TSPAN2: variants seen among roughly 807,000 people sequenced by gnomAD.
TSPAN2 encodes tetraspanin 2, also known as tetraspanin-2.
TSPAN2 carries 24 observed loss-of-function variants against 33.3 expected under a neutral mutation model. The observed-to-expected ratio is 0.72, with a 90% confidence interval of 0.52 to 1.01. The LOEUF is 1.01. Among genes scored for constraint, TSPAN2 ranks in the 50% least tolerant of loss-of-function variants. The pLI, the probability that TSPAN2 is intolerant of heterozygous loss-of-function variation, is 0.00. For missense variants in TSPAN2, 278 were observed against 281.3 expected (o/e 0.99, Z 0.08); for synonymous variants, 114 against 104.5 (o/e 1.09, Z -0.56).
intron 1 of TSPAN2, among the ~76,000 whole-genome samples, chr1:115,080,769 A>G (rs969893810): frequency 1.3e-5 from 2 of 152,186 alleles, no homozygotes; most frequent in Non-Finnish European, 2.9e-5. Flanking sequence ...CCCGGAGAGG[A>G]AAAAAATGGT....
intron 4 of TSPAN2, 78 bp from the exon 5 acceptor site, chr1:115,059,059 C>T: frequency 9.4e-7 from 1 of 1,069,370 alleles, no homozygotes; most frequent in Non-Finnish European, 1.4e-6. Flanking sequence ...GGAAAATCTC[C>T]TCTTCCACAC....
chr1:115,067,166 A>C (rs1484992761), intron 2 of TSPAN2, among the ~76,000 whole-genome samples: 2 of 152,254 alleles, frequency 1.3e-5, no homozygotes, highest in African/African-American at 4.8e-5. Flanking sequence ...CCTACTCCAA[A>C]GTGCAGTCCC....
intron 2 of TSPAN2, among the ~76,000 whole-genome samples, chr1:115,066,261 C>A (rs1001313356): frequency 5.9e-5 from 9 of 152,142 alleles, no homozygotes; most frequent in Admixed American, 2.0e-4. Context: ...TGGATATATA[C>A]CCAGCAGTGG....
Position 115,050,411 on chromosome 1 carries a change from G to A in TSPAN2, c.*79C>T, listed in dbSNP as rs1392136453. On this transcript the variant is annotated 3_prime_UTR_variant, in exon 8 of 8. Transcript: ENST00000369516. ...TTTTAGATCCTAATGTCATTTCAGT[G>A]TTAAAAATGAGCTGGGAGACAGCTC... is the stretch of plus-strand genomic sequence containing the variant. 2 of 1,263,116 alleles carry A rather than the reference G, an allele frequency of 1.6e-6. No individual in the cohort carries two copies. The highest frequency in any genetic ancestry group is 1.5e-5 in the African/African-American group (1 of 67,922). The allele number at this position is 1,263,116 out of a possible 1,614,324, so 78.2% of individuals were successfully genotyped here.
intron 1 of TSPAN2, among the ~76,000 whole-genome samples, chr1:115,081,603 T>C (rs146717027): frequency 9.9e-5 from 15 of 152,264 alleles, no homozygotes; most frequent in African/African-American, 3.6e-4. Flanking sequence ...CACTTACTGG[T>C]CCTATAATCT....
Position 115,053,368 on chromosome 1 carries a change from A to G in TSPAN2, c.600+11T>C. The G allele has an allele frequency of 6.2e-7, 1 of 1,613,552 alleles. No homozygotes were observed. The highest frequency in any genetic ancestry group is 2.2e-5 in the East Asian group (1 of 44,850). ...AGAGGGCAAAAAGGGTAAGTTCTAG[A>G]ACTTTCTCACCGTCAGACCTGCAAT... On this transcript the variant is annotated intron_variant, in intron 7 of 7. Transcript: ENST00000369516.
intron 1 of TSPAN2, among the ~76,000 whole-genome samples, chr1:115,087,517 GA>G (rs1648885257): frequency 6.6e-6 from 1 of 150,984 alleles, no homozygotes; most frequent in African/African-American, 2.4e-5. Context: ...TTGGGCGGCT[GA>G]GGCAGGAGAA....
intron 2 of TSPAN2, among the ~76,000 whole-genome samples, chr1:115,066,686 T>TA (rs5777210): frequency 6.6e-6 from 1 of 152,096 alleles, no homozygotes; most frequent in East Asian, 1.9e-4. Context: ...ACCATTTTTT[T>TA]ATTTGAAATT....
chr1:115,071,148 A>G (rs893495330), intron 2 of TSPAN2, among the ~76,000 whole-genome samples: 4 of 152,294 alleles, frequency 2.6e-5, no homozygotes, highest in African/African-American at 9.6e-5. Flanking sequence ...GCCCCTCCCC[A>G]GGCCCAGGGG....
chr1:115,052,614 T>G (rs529387080), intron 7 of TSPAN2, among the ~76,000 whole-genome samples: 2 of 152,306 alleles, frequency 1.3e-5, no homozygotes, highest in South Asian at 4.1e-4. Flanking sequence ...TCGCAACTCC[T>G]GCCATACCTG....
Position 115,060,404 on chromosome 1 carries a change from G to A in TSPAN2, c.345+60C>T. The A allele has an allele frequency of 2.3e-6, 3 of 1,309,954 alleles. No homozygotes were observed. In the Admixed American group the frequency reaches 5.4e-5, roughly 24 times the overall value. 81.1% of individuals were successfully genotyped at this position (1,309,954 alleles called of 1,614,324 possible). A position where few individuals can be genotyped will look rare whatever the true frequency, so the allele number is the denominator to read the frequency against. On this transcript the variant is annotated intron_variant, in intron 4 of 7. Transcript: ENST00000369516. Reference sequence around the variant, plus strand: ...ATTTGGTTTCTTAACACTATTGTGGGTATCAATATTCTAACACTTTTAACC... The same window carrying A: ...ATTTGGTTTCTTAACACTATTGTGGATATCAATATTCTAACACTTTTAACC...
chr1:115,081,267 C>A (rs573801378), intron 1 of TSPAN2, among the ~76,000 whole-genome samples: 1 of 152,212 alleles, frequency 6.6e-6, no homozygotes, highest in East Asian at 1.9e-4. Flanking sequence ...TAGACTCTGG[C>A]GGGAGCAGGG....
chr1:115,059,100 T>A (rs935724126), intron 4 of TSPAN2, 119 bp from the exon 5 acceptor site: 1 of 792,560 alleles, frequency 1.3e-6, no homozygotes, highest in South Asian at 1.6e-5. Context: ...CTCATAAGAA[T>A]GATACAATGG....
chr1:115,050,367 T>C lies in TSPAN2; in HGVS notation c.*123A>G, dbSNP rs1358403755. 5.6e-6 allele frequency: 5 copies of C among 893,926 alleles called. No individual in the cohort carries two copies. The highest frequency in any genetic ancestry group is 9.2e-6 in the Non-Finnish European group (5 of 544,792). 55.4% of individuals were successfully genotyped at this position (893,926 alleles called of 1,614,324 possible). A position where few individuals can be genotyped will look rare whatever the true frequency, so the allele number is the denominator to read the frequency against. ...CCAAACATACGTACTCATGCAAATGTACAATTGACAGCAAATTATTTTAGA... is the reference window on the plus strand; with the variant it reads ...CCAAACATACGTACTCATGCAAATGCACAATTGACAGCAAATTATTTTAGA... On this transcript the variant is annotated 3_prime_UTR_variant, in exon 8 of 8. Coordinates refer to ENST00000369516, the MANE Select transcript of TSPAN2 (RefSeq NM_005725.6).
In TSPAN2 at chr1:115,050,086, C is replaced by A; in HGVS notation, c.*404G>T. ...CTCTGAATTCTCTGCATCTAATTTT[C>A]AATGGCTACAGTCTGAGAAACTGAC... On this transcript the variant is annotated 3_prime_UTR_variant, in exon 8 of 8. Coordinates refer to ENST00000369516, the MANE Select transcript of TSPAN2 (RefSeq NM_005725.6). 4.4e-6 allele frequency: 1 copy of A among 225,608 alleles called. No homozygotes were observed. 14.0% of individuals were successfully genotyped at this position (225,608 alleles called of 1,614,324 possible).
chr1:115,051,035 T>G (rs925949974), intron 7 of TSPAN2, among the ~76,000 whole-genome samples: 9 of 152,174 alleles, frequency 5.9e-5, no homozygotes, highest in Non-Finnish European at 8.8e-5. Context: ...ATCAGCTGGG[T>G]GCAGTGGCTC....
chr1:115,064,812 C>T (rs766224547), intron 2 of TSPAN2, among the ~76,000 whole-genome samples: 2 of 152,140 alleles, frequency 1.3e-5, no homozygotes, highest in African/African-American at 2.4e-5. Context: ...CTTCGCACCC[C>T]GAGACACCCT....
Position 115,049,559 on chromosome 1 carries a change from A to G in TSPAN2, c.*931T>C, listed in dbSNP as rs1448936004. 1 of 152,536 alleles carries G rather than the reference A, an allele frequency of 6.6e-6. No homozygotes were observed. The highest frequency in any genetic ancestry group is 1.5e-5 in the Non-Finnish European group (1 of 67,996). 9.4% of individuals were successfully genotyped at this position (152,536 alleles called of 1,614,324 possible). A position where few individuals can be genotyped will look rare whatever the true frequency, so the allele number is the denominator to read the frequency against. On this transcript the variant is annotated 3_prime_UTR_variant, in exon 8 of 8. Transcript: ENST00000369516. ...GCCCATACAAATTCTCTTTCCCACA[A>G]TTTTCAACTGCCAGATCTCTTGCTT... is the stretch of plus-strand genomic sequence containing the variant.
At position 115,050,548 on chromosome 1, in the gene TSPAN2, C is replaced by A. The variant is rs1675287980; in HGVS notation, c.608G>T (p.Gly203Val). 15 of 1,613,768 alleles carry A rather than the reference C, an allele frequency of 9.3e-6. No individual in the cohort carries two copies. The highest frequency in any genetic ancestry group is 1.3e-5 in the Non-Finnish European group (15 of 1,179,886). The change falls in exon 8 of 8, where the codon GGC (glycine) becomes GTC (valine). Residue 203 changes from glycine to valine, a missense_variant. By Grantham distance (109) the Gly-to-Val change is moderately radical (BLOSUM62 -3). Coordinates refer to ENST00000369516, the MANE Select transcript of TSPAN2 (RefSeq NM_005725.6). The part of the protein sequence containing the change: ...GIGIAGLTIF[G>V]MIFSMVLCCA... Reference sequence around the variant, plus strand: ...GCAGAGGACCATGCTGAATATCATGCCAAAGATCTGAAACAGAAGAAACAC... The same window carrying A: ...GCAGAGGACCATGCTGAATATCATGACAAAGATCTGAAACAGAAGAAACAC...
Sources: allele counts gnomAD v4.1 joint callset (sites outside exome capture counted in the v4.1 genomes callset), GRCh38; gene constraint gnomAD v4.1.1; transcripts MANE v1.5; gene names NCBI Gene and HGNC (gene_info 2026-07-23, HGNC 2026-07-21).